SHPRH: variants seen among roughly 807,000 people sequenced by gnomAD.
The protein encoded by SHPRH is E3 ubiquitin-protein ligase SHPRH.
SHPRH carries 106 observed loss-of-function variants against 202.5 expected under a neutral mutation model. That is an observed-to-expected ratio of 0.52 (90% CI 0.45 to 0.62). SHPRH has a LOEUF of 0.62. Among genes scored for constraint, SHPRH ranks in the 20% least tolerant of loss-of-function variants. The pLI, the probability that SHPRH is intolerant of heterozygous loss-of-function variation, is 0.00. For synonymous variants in SHPRH, 729 were observed against 686.0 expected (o/e 1.06, Z -0.98); for missense variants, 1,710 against 2,020.0 (o/e 0.85, Z 2.94).
chr6:145,867,599 A>AATATATATATATATATAT (rs374395571), intron 2 of SHPRH, among the ~76,000 whole-genome samples: 24 of 21,580 alleles, frequency 1.1e-3, no homozygotes, highest in South Asian at 2.6e-3. Flanking sequence ...TTCAAAAAAG[A>AATATATATATATATATAT]ATATATATAT....
At chr6:145,953,323 T>C (rs990397780) in intron 2 of SHPRH, among the ~76,000 whole-genome samples, 1 of 152,088 alleles carries the variant, frequency 6.6e-6, no homozygotes, top group African/African-American at 2.4e-5. Context: ...GATGTCTTAC[T>C]ACAGCAGCAA....
At chr6:145,926,377 G>A (rs1049471701) in intron 15 of SHPRH, 81 bp from the exon 16 acceptor site, 1 of 1,107,378 alleles carries the variant, frequency 9.0e-7, no homozygotes, top group Admixed American at 1.8e-5. Context: ...ATGGCACACA[G>A]AACACTAACA....
At chr6:145,949,879 G>T (rs1047075971) in intron 4 of SHPRH, among the ~76,000 whole-genome samples, 1 of 152,038 alleles carries the variant, frequency 6.6e-6, no homozygotes, top group Non-Finnish European at 1.5e-5. Context: ...TTGTAAATTT[G>T]CTTTCTGTCA....
chr6:145,904,270 A>T (rs896804559), intron 25 of SHPRH: 1 of 152,082 alleles, frequency 6.6e-6, no homozygotes, highest in African/African-American at 2.4e-5. Context: ...TATTTCAGAT[A>T]ATATAAACAT....
chr6:145,900,008 T>C (rs1159050341), intron 25 of SHPRH, among the ~76,000 whole-genome samples: 2 of 152,042 alleles, frequency 1.3e-5, no homozygotes, highest in Non-Finnish European at 2.9e-5. Flanking sequence ...GAGATAAGTA[T>C]TGGTGAGAAG....
intron 28 of SHPRH, among the ~76,000 whole-genome samples, chr6:145,890,806 T>C (rs1781505399): frequency 6.6e-6 from 1 of 152,232 alleles, no homozygotes; most frequent in African/African-American, 2.4e-5. Flanking sequence ...TACTTCATCC[T>C]TCTAGTTGTC....
chr6:145,953,407 T>A (rs540750566), intron 2 of SHPRH, among the ~76,000 whole-genome samples: 85 of 152,178 alleles, frequency 5.6e-4, no homozygotes, highest in African/African-American at 1.9e-3. Context: ...GTAGGGAACG[T>A]AGATAGAACA....
Position 145,943,720 on chromosome 6 carries a change from T to C in SHPRH, c.1661A>G (p.Asp554Gly), listed in dbSNP as rs1202107939. 1.2e-6 allele frequency: 2 copies of C among 1,613,092 alleles called. No individual in the cohort carries two copies. Among genetic ancestry groups the C allele is most frequent in the Non-Finnish European group, 8.5e-7 (1 of 1,179,688 alleles). Residue 554 changes from aspartate to glycine, a missense_variant, in exon 9 of 30, where the codon GAC (aspartate) becomes GGC (glycine). By Grantham distance (94) the Asp-to-Gly change is moderately conservative. This residue lies in a region of SHPRH where 348 missense variants were observed against 356.9 expected (regional missense o/e 0.97). Coordinates refer to ENST00000275233, the MANE Select transcript of SHPRH (RefSeq NM_001042683.3). ...AGGATCATCATCATCATCAGAGGTG[T>C]CTGATGGCAAGTATTCAGAATCTGT... Reference protein sequence around the residue: ...KDTDSEYLPSDTSDDDDDPYY... With the variant: ...KDTDSEYLPSGTSDDDDDPYY...
intron 4 of SHPRH, 76 bp from the exon 5 acceptor site, chr6:145,948,426 G>A: frequency 3.5e-6 from 4 of 1,139,608 alleles, no homozygotes; most frequent in Non-Finnish European, 5.1e-6. Context: ...AAAAGAATAG[G>A]TTAACAGTGA....
Position 145,943,379 on chromosome 6 carries a change from G to A in SHPRH, c.2002C>T (p.Gln668Ter). 1 of 1,614,024 alleles carries A rather than the reference G, an allele frequency of 6.2e-7. No homozygotes were observed. Among genetic ancestry groups the A allele is most frequent in the Non-Finnish European group, 8.5e-7 (1 of 1,179,964 alleles). Residue 668 changes from glutamine to a stop codon, truncating the protein, a stop_gained, in exon 9 of 30, where the codon CAG (glutamine) becomes TAG (stop). Coordinates refer to ENST00000275233, the MANE Select transcript of SHPRH (RefSeq NM_001042683.3). LOFTEE classifies it high-confidence loss of function. ...RFECICGELD[Q>*]IDRKPRVQCL... ...TGAACACGAGGCTTACGATCTATCT[G>A]ATCAAGTTCACCACATATACACTCA...
At chr6:145,895,537 GTT>G (rs398110798) in intron 25 of SHPRH, among the ~76,000 whole-genome samples, 1 of 141,366 alleles carries the variant, frequency 7.1e-6, no homozygotes. Flanking sequence ...AAAACTGTGT[GTT>G]TTTTTTTTTT....
At chr6:145,887,609 C>A (rs1351590862) in intron 29 of SHPRH, among the ~76,000 whole-genome samples, 1 of 146,710 alleles carries the variant, frequency 6.8e-6, no homozygotes, top group Non-Finnish European at 1.5e-5. Context: ...GATCTTGGCT[C>A]ACTGCAACCT....
chr6:145,915,387 C>A (rs1783861984), intron 23 of SHPRH, among the ~76,000 whole-genome samples: 1 of 151,752 alleles, frequency 6.6e-6, no homozygotes, highest in African/African-American at 2.4e-5. Context: ...GTTCTTCATT[C>A]CTTACTGTAG....
intron 24 of SHPRH, 58 bp from the exon 25 acceptor site, chr6:145,910,694 C>A (rs556174152): frequency 7.0e-7 from 1 of 1,423,182 alleles, no homozygotes; most frequent in South Asian, 1.7e-5. Context: ...AATTTATAAG[C>A]ATATTAAAAA....
chr6:145,899,607 A>C (rs1252415900), intron 25 of SHPRH, among the ~76,000 whole-genome samples: 2 of 152,184 alleles, frequency 1.3e-5, no homozygotes, highest in African/African-American at 4.8e-5. Flanking sequence ...ATCTTGGTAA[A>C]GACTTTTTGG....
intron 17 of SHPRH, among the ~76,000 whole-genome samples, chr6:145,924,312 T>A (rs1784683067): frequency 6.6e-6 from 1 of 151,920 alleles, no homozygotes; most frequent in African/African-American, 2.4e-5. Flanking sequence ...TGTAACCTCT[T>A]TAGATTTTGC....
chr6:145,862,913 G>T (rs1310049588), downstream of SHPRH, among the ~76,000 whole-genome samples: 1 of 152,116 alleles, frequency 6.6e-6, no homozygotes, highest in East Asian at 1.9e-4. Context: ...AGGTAGGCAC[G>T]ATGTATTATT....
At chr6:145,903,000 G>A (rs907015277) in intron 25 of SHPRH, among the ~76,000 whole-genome samples, 2 of 152,012 alleles carry the variant, frequency 1.3e-5, no homozygotes, top group Non-Finnish European at 2.9e-5. Flanking sequence ...GAGGCTAACA[G>A]TTCAGAATTA....
chr6:145,960,471 T>C (rs552650751), intron 1 of SHPRH, among the ~76,000 whole-genome samples: 1 of 152,276 alleles, frequency 6.6e-6, no homozygotes, highest in African/African-American at 2.4e-5. Flanking sequence ...ATAATATTAA[T>C]AACATGGTTA....
Sources: gnomAD v4.1 joint callset for allele counts (sites outside exome capture counted in the v4.1 genomes callset) on GRCh38, gnomAD v4.1.1 for gene constraint, gnomAD v4.1.1 regional missense constraint, MANE v1.5 for transcripts, NCBI Gene and HGNC (gene_info 2026-07-23, HGNC 2026-07-21) for gene names.